Variants in GABRG3 observed in about 807,000 individuals in gnomAD.
GABRG3 encodes the protein gamma-aminobutyric acid type A receptor subunit gamma3.
A neutral mutation model predicts 48.8 loss-of-function variants in GABRG3; 25 were observed. That is an observed-to-expected ratio of 0.51 (90% CI 0.37 to 0.72). The LOEUF is 0.72. GABRG3 is among the 30% of genes least tolerant of loss of function. The pLI, the probability that GABRG3 is intolerant of heterozygous loss-of-function variation, is 0.00. For synonymous variants in GABRG3, 227 were observed against 217.6 expected, an observed-to-expected ratio of 1.04 and a Z score of -0.38; for missense variants, 394 against 577.9, an observed-to-expected ratio of 0.68 and a Z score of 3.26.
At chr15:27,183,819 G>C (rs1031278688) in intron 3 of GABRG3, among the ~76,000 whole-genome samples, 1 of 152,108 alleles carries the variant, frequency 6.6e-6, no homozygotes, top group Non-Finnish European at 1.5e-5. Context: ...TTTAATCTAT[G>C]TGTTTTAAAT....
At chr15:27,047,122 T>C (rs147934987) in intron 3 of GABRG3, among the ~76,000 whole-genome samples, 145 of 152,294 alleles carry the variant, frequency 9.5e-4, no homozygotes, top group African/African-American at 3.3e-3. Context: ...AACCACCACA[T>C]ACTCATTTTA....
At chr15:27,289,874 T>TA (rs1566995901) in intron 3 of GABRG3, among the ~76,000 whole-genome samples, 4 of 152,228 alleles carry the variant, frequency 2.6e-5, no homozygotes, top group African/African-American at 9.6e-5. Flanking sequence ...CGTGGACTAA[T>TA]ACACACACAT....
intron 5 of GABRG3, among the ~76,000 whole-genome samples, chr15:27,330,769 A>G (rs904371994): frequency 3.3e-5 from 5 of 152,254 alleles, no homozygotes; most frequent in African/African-American, 1.2e-4. Flanking sequence ...GGCAATGAGC[A>G]TAAAGTACTA....
intron 5 of GABRG3, among the ~76,000 whole-genome samples, chr15:27,333,925 A>C (rs1487020245): frequency 6.6e-6 from 1 of 152,222 alleles, no homozygotes; most frequent in African/African-American, 2.4e-5. Context: ...AATTTTGGTC[A>C]TTTAGTTCCT....
chr15:27,218,513 C>T (rs949177040), intron 3 of GABRG3, among the ~76,000 whole-genome samples: 5 of 152,166 alleles, frequency 3.3e-5, no homozygotes, highest in Non-Finnish European at 7.3e-5. Context: ...CCCCTTTACT[C>T]AGCAGTGATG....
At chr15:27,429,778 C>T (rs1019351863) in intron 5 of GABRG3, among the ~76,000 whole-genome samples, 19 of 152,172 alleles carry the variant, frequency 1.2e-4, no homozygotes, top group African/African-American at 4.1e-4. Context: ...AATATTCCAT[C>T]GCATGGATAT....
chr15:27,244,257 G>A (rs1340486854), intron 3 of GABRG3, among the ~76,000 whole-genome samples: 2 of 152,186 alleles, frequency 1.3e-5, no homozygotes, highest in Non-Finnish European at 2.9e-5. Flanking sequence ...TATGTTAACA[G>A]GTCTATTAAC....
At chr15:27,277,181 CTTGCAAACAACTTCATTTTA>C (rs1891284029) in intron 3 of GABRG3, among the ~76,000 whole-genome samples, 1 of 152,314 alleles carries the variant, frequency 6.6e-6, no homozygotes, top group Non-Finnish European at 1.5e-5. Flanking sequence ...AGAGAGACAT[CTTGCAAACAACTTCATTTTA>C]TTTTCCTGAT....
rs970503088 is a variant in GABRG3, at chr15:27,536,986, T to C, written c.*4105T>C. The C allele has an allele frequency of 6.6e-6, 1 of 152,196 alleles. No homozygotes were observed. 9.4% of individuals were successfully genotyped at this position (152,196 alleles called of 1,614,324 possible). ...AATTACACCTGGTCTCCAACCATTA[T>C]TCTTATCACCGTATCGGTTCAGTGC... On this transcript the variant is annotated 3_prime_UTR_variant, in exon 10 of 10. Transcript: ENST00000615808.
chr15:27,435,789 A>G (rs1888592416), intron 5 of GABRG3, among the ~76,000 whole-genome samples: 1 of 152,192 alleles, frequency 6.6e-6, no homozygotes, highest in South Asian at 2.1e-4. Context: ...AGCTATGTCC[A>G]TTAGCCATTC....
At chr15:27,257,046 AG>A (rs2140463858) in intron 3 of GABRG3, among the ~76,000 whole-genome samples, 1 of 152,314 alleles carries the variant, frequency 6.6e-6, no homozygotes, top group East Asian at 1.9e-4. Context: ...ACAATGCACT[AG>A]GGTTCCCTTT....
chr15:27,129,287 T>C (rs1207596982), intron 3 of GABRG3, among the ~76,000 whole-genome samples: 1 of 152,176 alleles, frequency 6.6e-6, no homozygotes, highest in Non-Finnish European at 1.5e-5. Context: ...TCAAGGTACT[T>C]TATATAGTGG....
chr15:27,435,743 G>T (rs559849466), intron 5 of GABRG3, among the ~76,000 whole-genome samples: 1 of 152,328 alleles, frequency 6.6e-6, no homozygotes, highest in African/African-American at 2.4e-5. Flanking sequence ...CCCGGAGAGA[G>T]GCTAGCATCC....
intron 2 of GABRG3, among the ~76,000 whole-genome samples, chr15:27,005,105 GT>G (rs1895557712): frequency 6.6e-6 from 1 of 152,046 alleles, no homozygotes; most frequent in African/African-American, 2.4e-5. Flanking sequence ...TGGTATAACA[GT>G]TTTAGAAATT....
chr15:27,366,352 T>C (rs770649855), intron 5 of GABRG3: 1 of 152,152 alleles, frequency 6.6e-6, no homozygotes, highest in African/African-American at 2.4e-5. Context: ...TAAAGACATA[T>C]TCCCTAAAGC....
intron 5 of GABRG3, among the ~76,000 whole-genome samples, chr15:27,406,526 A>T (rs1054266081): frequency 2.6e-5 from 4 of 152,186 alleles, no homozygotes; most frequent in African/African-American, 4.8e-5. Flanking sequence ...TAAAACACTC[A>T]TGCACATGTT....
At chr15:27,454,992 A>C (rs921586161) in intron 5 of GABRG3, among the ~76,000 whole-genome samples, 1 of 152,188 alleles carries the variant, frequency 6.6e-6, no homozygotes, top group Non-Finnish European at 1.5e-5. Flanking sequence ...CATTCGTTTG[A>C]CTTCAATAAA....
intron 3 of GABRG3, among the ~76,000 whole-genome samples, chr15:27,226,452 A>G (rs1889619591): frequency 6.6e-6 from 1 of 152,166 alleles, no homozygotes; most frequent in Non-Finnish European, 1.5e-5. Context: ...CCAGCTTCAG[A>G]GACGACGTGG....
chr15:27,119,565 G>A (rs36003972), intron 3 of GABRG3, among the ~76,000 whole-genome samples: 42,383 of 152,028 alleles, frequency 0.28, 7,159 homozygotes, highest in Non-Finnish European at 0.37. Context: ...CAGGAGTCTG[G>A]GCATGTCTTC....
Sources: gnomAD v4.1 joint callset for allele counts (sites outside exome capture counted in the v4.1 genomes callset) on GRCh38, gnomAD v4.1.1 for gene constraint, MANE v1.5 for transcripts, NCBI Gene and HGNC (gene_info 2026-07-23, HGNC 2026-07-21) for gene names.